SNX30: variants seen among roughly 807,000 people sequenced by gnomAD.
SNX30 encodes the protein sorting nexin family member 30, also known as sorting nexin-30.
In SNX30, 24 loss-of-function variants were observed where a neutral mutation model predicts 46.4. That is an observed-to-expected ratio of 0.52 (90% confidence interval 0.37 to 0.73). The LOEUF (loss-of-function observed/expected upper bound fraction) is 0.73. Among genes scored for constraint, SNX30 ranks in the 30% least tolerant of loss-of-function variants. The pLI is 0.00. For synonymous variants in SNX30, 189 were observed against 211.5 expected, an observed-to-expected ratio of 0.89 and a Z score of 0.92; for missense variants, 533 against 555.7, an observed-to-expected ratio of 0.96 and a Z score of 0.41.
At chr9:112,790,198 A>ATAGT in intron 1 of SNX30, among the ~76,000 whole-genome samples, 1 of 152,358 alleles carries the variant, frequency 6.6e-6, no homozygotes, top group African/African-American at 2.4e-5. Context: ...ATACATTTGA[A>ATAGT]TAACTCTCCA....
rs576992118 is a variant in SNX30, at chr9:112,814,625, C to A, written c.349-3080C>A. 3.9e-5 allele frequency among the ~76,000 whole-genome samples: 6 copies of A among 152,278 alleles called. No homozygotes were observed. In the East Asian group the frequency reaches 1.2e-3, roughly 29 times the overall value. On this transcript the variant is annotated intron_variant, in intron 2 of 8. Transcript: ENST00000374232. ...GCCAATAAACATTTGAAAGGATGTT[C>A]AACCCCAATAGTAATTAAAGAAACA...
At position 112,836,473 on chromosome 9, in the gene SNX30, T is replaced by C; in HGVS notation, c.814+64T>C. On this transcript the variant is annotated intron_variant, in intron 5 of 8. Coordinates refer to ENST00000374232, the MANE Select transcript of SNX30 (RefSeq NM_001012994.2). ...CACATTGGCAGAAATGCCATTCATGTGTGCTACAGAGAATCAAACTGCAAA... is the reference window on the plus strand; with the variant it reads ...CACATTGGCAGAAATGCCATTCATGCGTGCTACAGAGAATCAAACTGCAAA... 2.0e-6 allele frequency: 3 copies of C among 1,507,740 alleles called. No individual in the cohort carries two copies. The South Asian group carries it at 3.8e-5, about 19-fold the overall frequency. The allele number at this position is 1,507,740 out of a possible 1,614,324, so 93.4% of individuals were successfully genotyped here. A position where few individuals can be genotyped will look rare whatever the true frequency, so the allele number is the denominator to read the frequency against.
chr9:112,841,463 C>T (rs978957624), intron 6 of SNX30, among the ~76,000 whole-genome samples: 6 of 152,162 alleles, frequency 3.9e-5, no homozygotes, highest in African/African-American at 1.4e-4. Flanking sequence ...GTCAATCAGG[C>T]TGAGTGAATG....
intron 6 of SNX30, among the ~76,000 whole-genome samples, chr9:112,839,295 A>G (rs1177845842): frequency 6.6e-6 from 1 of 152,258 alleles, no homozygotes; most frequent in Non-Finnish European, 1.5e-5. Context: ...GGACATGATA[A>G]TTGCCCAGCA....
intron 1 of SNX30, among the ~76,000 whole-genome samples, chr9:112,760,512 G>T (rs1315064801): frequency 1.3e-5 from 2 of 152,120 alleles, no homozygotes; most frequent in Non-Finnish European, 2.9e-5. Flanking sequence ...AGAATGTCTT[G>T]CCTTTCTACT....
At chr9:112,861,240 T>C (rs1193853479) in intron 7 of SNX30, among the ~76,000 whole-genome samples, 1 of 152,228 alleles carries the variant, frequency 6.6e-6, no homozygotes, top group Non-Finnish European at 1.5e-5. Flanking sequence ...GATTGTGTTA[T>C]TAATATTTGT....
At chr9:112,772,187 G>A (rs936734116) in intron 1 of SNX30, among the ~76,000 whole-genome samples, 1 of 152,126 alleles carries the variant, frequency 6.6e-6, no homozygotes, top group Non-Finnish European at 1.5e-5. Context: ...TTCTAGTGAG[G>A]GGTTACTCTA....
chr9:112,829,739 C>T (rs1268260725), intron 3 of SNX30, among the ~76,000 whole-genome samples: 2 of 152,170 alleles, frequency 1.3e-5, no homozygotes, highest in African/African-American at 4.8e-5. Context: ...GATTTCTCCA[C>T]ATCCTCACCA....
At chr9:112,779,493 T>C (rs949220051) in intron 1 of SNX30, among the ~76,000 whole-genome samples, 2 of 152,086 alleles carry the variant, frequency 1.3e-5, no homozygotes, top group Non-Finnish European at 2.9e-5. Context: ...GGTCAGGAGT[T>C]TGAGACCAGC....
chr9:112,751,541 G>C (rs1476996962), intron 1 of SNX30, among the ~76,000 whole-genome samples: 3 of 152,216 alleles, frequency 2.0e-5, no homozygotes, highest in Non-Finnish European at 2.9e-5. Context: ...TCCAGTTTCC[G>C]AGACTGCACA....
intron 6 of SNX30, among the ~76,000 whole-genome samples, chr9:112,846,986 T>C (rs1210089775): frequency 1.3e-5 from 2 of 152,350 alleles, no homozygotes; most frequent in Non-Finnish European, 2.9e-5. Flanking sequence ...GTGGTCTTTT[T>C]TGGGACAAAT....
At chr9:112,804,559 T>C (rs1258090212) in intron 1 of SNX30, among the ~76,000 whole-genome samples, 2 of 152,226 alleles carry the variant, frequency 1.3e-5, no homozygotes, top group African/African-American at 2.4e-5. Flanking sequence ...AAAAGATGAA[T>C]TGGCATGAAA....
chr9:112,826,057 T>C (rs538891101), intron 3 of SNX30, among the ~76,000 whole-genome samples: 1 of 152,204 alleles, frequency 6.6e-6, no homozygotes, highest in Non-Finnish European at 1.5e-5. Context: ...TGGACCCCTA[T>C]TGTAGAATGT....
intron 6 of SNX30, among the ~76,000 whole-genome samples, chr9:112,849,943 CGTT>C (rs1840997614): frequency 6.6e-6 from 1 of 152,214 alleles, no homozygotes. Context: ...GAAAGAAACT[CGTT>C]GATGAAACAG....
chr9:112,808,489 T>C (rs957591226), intron 2 of SNX30, among the ~76,000 whole-genome samples: 1 of 152,220 alleles, frequency 6.6e-6, no homozygotes, highest in Non-Finnish European at 1.5e-5. Flanking sequence ...GCTCTTTTTT[T>C]CTGGAGACTA....
chr9:112,878,997 A>C (rs1359142944), downstream of SNX30: 2 of 152,246 alleles, frequency 1.3e-5, no homozygotes, highest in African/African-American at 4.8e-5. Context: ...TGACTACCTC[A>C]AATAAAATAG....
At chr9:112,823,565 A>G (rs1840537592) in intron 3 of SNX30, among the ~76,000 whole-genome samples, 1 of 152,226 alleles carries the variant, frequency 6.6e-6, no homozygotes, top group Admixed American at 6.5e-5. Context: ...CATTGAATAA[A>G]CACTTGAGTG....
chr9:112,819,906 T>C (rs1840466354), intron 3 of SNX30, among the ~76,000 whole-genome samples: 1 of 152,330 alleles, frequency 6.6e-6, no homozygotes, highest in Middle Eastern at 3.4e-3. Context: ...TGGTCAGCTT[T>C]CTTCACTGTA....
chr9:112,775,781 C>CTTTTTTTT (rs35535657), intron 1 of SNX30, among the ~76,000 whole-genome samples: 1 of 122,350 alleles, frequency 8.2e-6, no homozygotes, highest in Non-Finnish European at 1.7e-5. Context: ...TATGTGTAGT[C>CTTTTTTTT]TTTTTTTTTT....
Sources: gnomAD v4.1 joint callset for allele counts (sites outside exome capture counted in the v4.1 genomes callset) on GRCh38, gnomAD v4.1.1 for gene constraint, MANE v1.5 for transcripts, NCBI Gene and HGNC (gene_info 2026-07-23, HGNC 2026-07-21) for gene names.